The following PLGRKT variants were observed in gnomAD, a reference collection of about 807,000 sequenced individuals.
The protein encoded by PLGRKT is plasminogen receptor with a C-terminal lysine.
Under a neutral mutation model 18.5 loss-of-function variants are expected in PLGRKT, and 22 were observed. That is an observed-to-expected ratio of 1.19 (90% confidence interval 0.85 to 1.70). The LOEUF (loss-of-function observed/expected upper bound fraction) is 1.70, where lower values mean the gene tolerates loss of function less well. Among genes scored for constraint, PLGRKT ranks in the 40% most tolerant of loss-of-function variants. The pLI is 0.00. For synonymous variants in PLGRKT, 72 were observed against 52.8 expected (o/e 1.36, Z -1.58); for missense variants, 235 against 174.4 (o/e 1.35, Z -1.96).
At chr9:5,432,242 A>G (rs1013140365) in intron 2 of PLGRKT, among the ~76,000 whole-genome samples, 29 of 152,304 alleles carry the variant, frequency 1.9e-4, no homozygotes, top group Non-Finnish European at 8.8e-5. Context: ...TCCCTGCTCT[A>G]TAAGTATATG....
At chr9:5,433,279 G>C (rs1818870920) in intron 2 of PLGRKT, among the ~76,000 whole-genome samples, 2 of 151,068 alleles carry the variant, frequency 1.3e-5, no homozygotes, top group Admixed American at 6.6e-5. Context: ...CGTCTAGGAA[G>C]TAAGGAGTGT....
At chr9:5,399,557 A>G (rs1194937762) in intron 3 of PLGRKT, among the ~76,000 whole-genome samples, 1 of 151,956 alleles carries the variant, frequency 6.6e-6, no homozygotes, top group Non-Finnish European at 1.5e-5. Context: ...ACATAGCACC[A>G]AACTATTACT....
chr9:5,412,003 C>T (rs938788122), intron 3 of PLGRKT, among the ~76,000 whole-genome samples: 1 of 152,016 alleles, frequency 6.6e-6, no homozygotes, highest in African/African-American at 2.4e-5. Context: ...TCCAAGAAAA[C>T]ATTGAAAAAG....
intron 5 of PLGRKT, among the ~76,000 whole-genome samples, chr9:5,360,831 A>C (rs1817246203): frequency 1.3e-5 from 2 of 152,212 alleles, no homozygotes; most frequent in Admixed American, 1.3e-4. Context: ...AAAAGTTTTA[A>C]TACATTAAGT....
At chr9:5,397,050 T>C (rs1051415472) in intron 3 of PLGRKT, among the ~76,000 whole-genome samples, 3 of 152,150 alleles carry the variant, frequency 2.0e-5, no homozygotes, top group East Asian at 1.9e-4. Context: ...TTAAATTAAC[T>C]TCCAAACTTA....
chr9:5,429,346 T>A (rs1818769268), intron 3 of PLGRKT, among the ~76,000 whole-genome samples: 1 of 152,334 alleles, frequency 6.6e-6, no homozygotes, highest in East Asian at 1.9e-4. Flanking sequence ...CACCACCTGC[T>A]TGGCACAGGC....
intron 3 of PLGRKT, among the ~76,000 whole-genome samples, chr9:5,372,939 C>T (rs1196222494): frequency 6.6e-6 from 1 of 152,126 alleles, no homozygotes; most frequent in African/African-American, 2.4e-5. Flanking sequence ...CCCGTGGTCA[C>T]AGTTATTAAG....
chr9:5,433,357 G>T (rs1337456659), intron 2 of PLGRKT, among the ~76,000 whole-genome samples: 2 of 150,720 alleles, frequency 1.3e-5, no homozygotes, highest in East Asian at 4.0e-4. Context: ...CGTCTGGGGT[G>T]TGAGGAGCAT....
At chr9:5,422,562 A>T (rs559262268) in intron 3 of PLGRKT, among the ~76,000 whole-genome samples, 2 of 152,366 alleles carry the variant, frequency 1.3e-5, no homozygotes, top group African/African-American at 4.8e-5. Flanking sequence ...AGGAGTCATA[A>T]TAATCAACTA....
At chr9:5,420,810 C>T (rs1314912398) in intron 3 of PLGRKT, among the ~76,000 whole-genome samples, 1 of 152,008 alleles carries the variant, frequency 6.6e-6, no homozygotes, top group African/African-American at 2.4e-5. Context: ...AACATAGGAC[C>T]CTTCCTATTT....
chr9:5,363,192 A>C (rs889085849), intron 3 of PLGRKT, among the ~76,000 whole-genome samples: 4 of 151,872 alleles, frequency 2.6e-5, no homozygotes, highest in Non-Finnish European at 4.4e-5. Flanking sequence ...ACTGGATCCC[A>C]GAGGATCAGC....
intron 3 of PLGRKT, among the ~76,000 whole-genome samples, chr9:5,395,124 T>C (rs1818020863): frequency 6.6e-6 from 1 of 151,594 alleles, no homozygotes; most frequent in Non-Finnish European, 1.5e-5. Context: ...AAAAACTTAA[T>C]GAAAGATTAT....
intron 3 of PLGRKT, among the ~76,000 whole-genome samples, chr9:5,363,140 G>C (rs1241236675): frequency 6.6e-6 from 1 of 151,804 alleles, no homozygotes; most frequent in Non-Finnish European, 1.5e-5. Context: ...CAGACACTTG[G>C]GGAGTGAACA....
chr9:5,411,376 C>A lies in PLGRKT; in HGVS notation c.81+20521G>T, dbSNP rs559783381. ...CTCCAGCCTGGGAGACAGAGCAAGA[C>A]CCTGTTTCAAAAAAAAAAAAAAAGA... On this transcript the variant is annotated intron_variant, in intron 3 of 5. Transcript: ENST00000223864. Among the ~76,000 whole-genome samples the A allele has an allele frequency of 9.0e-4, 131 of 145,874 alleles. 1 individual carries two copies. Among genetic ancestry groups the A allele is most frequent in the Non-Finnish European group, 2.8e-4 (19 of 66,996 alleles).
intron 4 of PLGRKT, among the ~76,000 whole-genome samples, chr9:5,361,518 G>C (rs1453409297): frequency 6.6e-6 from 1 of 152,042 alleles, no homozygotes; most frequent in Non-Finnish European, 1.5e-5. Flanking sequence ...GTGTCAAGTT[G>C]GTGCTCTCTC....
At chr9:5,402,975 A>G (rs1304659213) in intron 3 of PLGRKT, among the ~76,000 whole-genome samples, 2 of 151,876 alleles carry the variant, frequency 1.3e-5, no homozygotes, top group Non-Finnish European at 2.9e-5. Flanking sequence ...AAAATAAAGA[A>G]ACTTATAGAA....
chr9:5,370,571 C>T (rs1016832005), intron 3 of PLGRKT, among the ~76,000 whole-genome samples: 3 of 152,120 alleles, frequency 2.0e-5, no homozygotes, highest in African/African-American at 7.2e-5. Context: ...ATTCACATGA[C>T]AGAAAAGTTT....
chr9:5,425,330 T>C (rs753731909), intron 3 of PLGRKT, among the ~76,000 whole-genome samples: 9 of 152,224 alleles, frequency 5.9e-5, no homozygotes, highest in African/African-American at 9.6e-5. Flanking sequence ...CTGAAGTTTG[T>C]TGATAATCTG....
At position 5,397,940 on chromosome 9, in the gene PLGRKT, G is replaced by A. The variant is rs527243862; in HGVS notation, c.81+33957C>T. Among the ~76,000 whole-genome samples, 24 of 151,848 alleles carry A rather than the reference G, an allele frequency of 1.6e-4. No homozygotes were observed. The East Asian group carries it at 2.7e-3, about 17-fold the overall frequency. ...TTTCCTTTTATTTCAAAACTAGAAC[G>A]GGGAGGCATAGAACTTGAAGGAGGA... On this transcript the variant is annotated intron_variant, in intron 3 of 5. Transcript: ENST00000223864.
Sources: gnomAD v4.1 joint callset for allele counts (sites outside exome capture counted in the v4.1 genomes callset) on GRCh38, gnomAD v4.1.1 for gene constraint, MANE v1.5 for transcripts, NCBI Gene and HGNC (gene_info 2026-07-23, HGNC 2026-07-21) for gene names.